The following ADGRV1 variants were observed in gnomAD, a reference collection of about 807,000 sequenced individuals.
ADGRV1 encodes the protein G-protein coupled receptor 98.
A neutral mutation model predicts 596.2 loss-of-function variants in ADGRV1; 359 were observed. The ratio of observed to expected loss-of-function variants is 0.60; its 90% CI spans 0.55 to 0.66. The LOEUF (loss-of-function observed/expected upper bound fraction) is 0.66. Among genes scored for constraint, ADGRV1 ranks in the 30% least tolerant of loss-of-function variants. The probability of loss-of-function intolerance (pLI) is 0.00; values close to 1 mark genes in which losing one functional copy is unlikely to be tolerated. For missense variants in ADGRV1, 7,274 were observed against 7,575.6 expected (o/e 0.96, Z 1.48); for synonymous variants, 2,681 against 2,679.2 (o/e 1.00, Z -0.02).
chr5:90,607,152 G>C (rs1762203485), intron 1 of ADGRV1, among the ~76,000 whole-genome samples: 1 of 152,146 alleles, frequency 6.6e-6, no homozygotes, highest in Non-Finnish European at 1.5e-5. Flanking sequence ...CTCAGTTTTG[G>C]AGCCAGAAGG....
intron 85 of ADGRV1, among the ~76,000 whole-genome samples, chr5:91,066,582 G>A (rs1437177251): frequency 1.3e-5 from 2 of 152,218 alleles, no homozygotes; most frequent in Admixed American, 1.3e-4. Context: ...AAGGTGTTAA[G>A]TATATGAGAC....
Position 90,783,913 on chromosome 5 carries a change from CA to C in ADGRV1, c.13510del (p.Arg4504GlufsTer3). ...CGGTCCTTGGGCGCCACCTAGTGAGCAGAATCATAATAGCTAAGAGTGACTC... is the reference window on the plus strand; with the variant it reads ...CGGTCCTTGGGCGCCACCTAGTGAGCGAATCATAATAGCTAAGAGTGACTC... ...GAVLGRHLVS[R>X]IIIAKSDSPF... On this transcript the variant is annotated frameshift_variant, in exon 67 of 90. Transcript: ENST00000405460. LOFTEE classifies it high-confidence loss of function. 6.2e-7 allele frequency: 1 copy of C among 1,612,282 alleles called. No individual in the cohort carries two copies.
chr5:90,766,361 A>G (rs1281644123), intron 59 of ADGRV1, among the ~76,000 whole-genome samples: 1 of 152,122 alleles, frequency 6.6e-6, no homozygotes, highest in Non-Finnish European at 1.5e-5. Context: ...TGTAATCGTT[A>G]CATGTATTTG....
At chr5:91,082,212 A>C (rs947814748) in intron 86 of ADGRV1, among the ~76,000 whole-genome samples, 2 of 152,264 alleles carry the variant, frequency 1.3e-5, no homozygotes, top group African/African-American at 4.8e-5. Context: ...TTTGACCCAG[A>C]GAATTAATGA....
intron 21 of ADGRV1, among the ~76,000 whole-genome samples, chr5:90,661,071 A>C (rs929288829): frequency 2.6e-5 from 4 of 152,208 alleles, no homozygotes; most frequent in African/African-American, 9.6e-5. Context: ...TGTATTGAAC[A>C]GAAGATGGAT....
chr5:90,570,842 A>T (rs770661703), intron 1 of ADGRV1, among the ~76,000 whole-genome samples: 1 of 151,830 alleles, frequency 6.6e-6, no homozygotes, highest in Non-Finnish European at 1.5e-5. Flanking sequence ...TTGTTTATAT[A>T]GACATGATTT....
At chr5:90,637,970 G>A in intron 11 of ADGRV1, 22 bp downstream of exon 11, 1 of 1,506,904 alleles carries the variant, frequency 6.6e-7, no homozygotes, top group Non-Finnish European at 9.1e-7. Flanking sequence ...TTTAGGTAAT[G>A]TTTAGTATCA....
rs368675436 is a variant in ADGRV1 at position 90,770,689 on chromosome 5, A to AAAAC, written c.12286-3473_12286-3470dup. On this transcript the variant is annotated intron_variant, in intron 59 of 89. Coordinates refer to ENST00000405460, the MANE Select transcript of ADGRV1 (RefSeq NM_032119.4). ...GCTGTAAAAATATATGTGCTCATGG[A>AAAAC]AAACAAACAAACAAACAAACAAACA... 1.6e-3 allele frequency among the ~76,000 whole-genome samples: 247 copies of AAAAC among 152,194 alleles called. 1 individual carries two copies. The highest frequency in any genetic ancestry group is 5.2e-3 in the African/African-American group (217 of 41,544).
chr5:90,692,881 G>T, intron 32 of ADGRV1, 95 bp downstream of exon 32: 11 of 942,490 alleles, frequency 1.2e-5, no homozygotes, highest in South Asian at 4.0e-5. Flanking sequence ...TAGGTTTTGT[G>T]GTTTTTTCTA....
intron 86 of ADGRV1, among the ~76,000 whole-genome samples, chr5:91,076,135 C>T (rs1266833608): frequency 2.0e-5 from 3 of 152,146 alleles, no homozygotes; most frequent in African/African-American, 7.2e-5. Context: ...ATCTAAACAA[C>T]AGTGATGTGC....
intron 83 of ADGRV1, among the ~76,000 whole-genome samples, chr5:90,961,487 C>CAAAAA (rs34654014): frequency 2.1e-5 from 1 of 46,520 alleles, no homozygotes; most frequent in African/African-American, 8.1e-5. Flanking sequence ...GACTCCGTCT[C>CAAAAA]AAAAAAAAAA....
chr5:91,019,991 C>G (rs1783502197), intron 85 of ADGRV1, among the ~76,000 whole-genome samples: 1 of 151,928 alleles, frequency 6.6e-6, no homozygotes, highest in Non-Finnish European at 1.5e-5. Context: ...AATAATTGGG[C>G]CTGTCAAAGC....
In ADGRV1 at chr5:90,789,803, C is replaced by T. The variant is rs1289140429; in HGVS notation, c.13995C>T (p.Leu4665=). 6.6e-7 allele frequency: 1 copy of T among 1,507,342 alleles called. No individual in the cohort carries two copies. The highest frequency in any genetic ancestry group is 2.2e-5 in the Admixed American group (1 of 45,306). The allele number at this position is 1,507,342 out of a possible 1,614,324, so 93.4% of individuals were successfully genotyped here. ...CTCTGGCTCTGGAAGGGCCCCTGCT[C>T]ATTACCTTCTTTGTCAGAAGAGTCA... ...SEPLALEGPL[L]ITFFVRRVKG... Residue 4665 remains leucine, a synonymous_variant, in exon 69 of 90, where the codon CTC becomes CTT. Coordinates refer to ENST00000405460, the MANE Select transcript of ADGRV1 (RefSeq NM_032119.4).
intron 9 of ADGRV1, chr5:90,629,794 C>T: frequency 3.2e-6 from 1 of 311,536 alleles, no homozygotes; most frequent in Non-Finnish European, 6.0e-6. Context: ...CGTGAAATGC[C>T]AGTCATGCAA....
intron 74 of ADGRV1, among the ~76,000 whole-genome samples, chr5:90,814,807 G>T (rs922401639): frequency 1.3e-5 from 2 of 152,012 alleles, no homozygotes; most frequent in African/African-American, 4.8e-5. Context: ...CATGGTTTTC[G>T]AGGCCAATTG....
At chr5:90,685,200 G>T (rs1398964547) in intron 28 of ADGRV1, among the ~76,000 whole-genome samples, 2 of 144,346 alleles carry the variant, frequency 1.4e-5, no homozygotes, top group Non-Finnish European at 3.0e-5. Context: ...CTAGAGCAGG[G>T]ACATTCTGTT....
At chr5:91,050,882 A>G (rs2151306180) in intron 85 of ADGRV1, among the ~76,000 whole-genome samples, 1 of 152,328 alleles carries the variant, frequency 6.6e-6, no homozygotes, top group Middle Eastern at 3.4e-3. Flanking sequence ...AAATATTTCA[A>G]AAGGATCCAG....
At chr5:90,737,178 A>C (rs2149862060) in intron 50 of ADGRV1, among the ~76,000 whole-genome samples, 1 of 151,658 alleles carries the variant, frequency 6.6e-6, no homozygotes, top group African/African-American at 2.4e-5. Context: ...GTATCTTTTT[A>C]TTTCTTCTGC....
intron 83 of ADGRV1, among the ~76,000 whole-genome samples, chr5:90,919,116 C>G (rs1163155282): frequency 6.6e-6 from 1 of 152,198 alleles, no homozygotes; most frequent in African/African-American, 2.4e-5. Flanking sequence ...ACTTCTTTTT[C>G]TAGTTTTTAA....
Sources: gnomAD v4.1 joint callset for allele counts (sites outside exome capture counted in the v4.1 genomes callset) on GRCh38, gnomAD v4.1.1 for gene constraint, MANE v1.5 for transcripts, NCBI Gene and HGNC (gene_info 2026-07-23, HGNC 2026-07-21) for gene names.